IQCM: variants seen among roughly 807,000 people sequenced by gnomAD.
IQCM encodes IQ motif containing M, also known as IQ domain-containing protein M.
In IQCM, 45 loss-of-function variants were observed where a neutral mutation model predicts 57.6. The ratio of observed to expected loss-of-function variants is 0.78; its 90% CI spans 0.62 to 1.00. The LOEUF (loss-of-function observed/expected upper bound fraction) is 1.00, where lower values mean the gene tolerates loss of function less well. Among genes scored for constraint, IQCM ranks in the 50% least tolerant of loss-of-function variants. The pLI is 0.00. For synonymous variants in IQCM, 148 were observed against 158.9 expected, an observed-to-expected ratio of 0.93 and a Z score of 0.51; for missense variants, 468 against 511.6, an observed-to-expected ratio of 0.91 and a Z score of 0.82.
chr4:149,803,791 C>T (rs1773828414), intron 2 of IQCM, among the ~76,000 whole-genome samples: 1 of 151,898 alleles, frequency 6.6e-6, no homozygotes, highest in Non-Finnish European at 1.5e-5. Context: ...CTGGGTTTCC[C>T]TACAGACTAT....
intron 12 of IQCM, among the ~76,000 whole-genome samples, chr4:149,481,057 T>C (rs1340248982): frequency 6.6e-6 from 1 of 152,178 alleles, no homozygotes; most frequent in South Asian, 2.1e-4. Flanking sequence ...TATGTCTTCT[T>C]TGGAGAAATG....
chr4:149,388,658 T>C (rs1172967815), intron 13 of IQCM, among the ~76,000 whole-genome samples: 2 of 142,678 alleles, frequency 1.4e-5, no homozygotes, highest in Non-Finnish European at 3.0e-5. Flanking sequence ...ATAAAATATA[T>C]ATATATATAC....
At chr4:149,769,374 T>TC (rs1770352411) in intron 2 of IQCM, among the ~76,000 whole-genome samples, 1 of 151,900 alleles carries the variant, frequency 6.6e-6, no homozygotes, top group African/African-American at 2.4e-5. Context: ...ACCCTTTATA[T>TC]CCAAAATGAG....
intron 13 of IQCM, among the ~76,000 whole-genome samples, chr4:149,407,744 C>G (rs1294848327): frequency 1.3e-5 from 2 of 152,120 alleles, no homozygotes; most frequent in African/African-American, 4.8e-5. Context: ...GATGAACAGT[C>G]AGTTTGGAAC....
chr4:149,670,940 C>CTTTTTTTTTTT (rs57287015), intron 7 of IQCM, among the ~76,000 whole-genome samples: 2 of 143,374 alleles, frequency 1.4e-5, no homozygotes, highest in Non-Finnish European at 1.5e-5. Flanking sequence ...AAAATTCTCT[C>CTTTTTTTTTTT]TTTTTTTTTT....
intron 7 of IQCM, among the ~76,000 whole-genome samples, chr4:149,633,123 T>C (rs1359949372): frequency 4.0e-5 from 5 of 125,648 alleles, no homozygotes; most frequent in Non-Finnish European, 6.2e-5. Flanking sequence ...ATTGCGCCAC[T>C]GCAGTCCGCA....
intron 10 of IQCM, among the ~76,000 whole-genome samples, chr4:149,556,026 T>C (rs764916072): frequency 2.1e-4 from 32 of 152,220 alleles, no homozygotes; most frequent in Non-Finnish European, 4.1e-4. Context: ...CTCCCAGGCT[T>C]TCACATGGAA....
chr4:149,570,426 A>G (rs1197665924), intron 9 of IQCM, among the ~76,000 whole-genome samples: 1 of 152,068 alleles, frequency 6.6e-6, no homozygotes, highest in Non-Finnish European at 1.5e-5. Context: ...TATATTGGTT[A>G]GGGATTGCCA....
chr4:149,606,757 A>G (rs1252474821), intron 8 of IQCM, among the ~76,000 whole-genome samples: 2 of 152,176 alleles, frequency 1.3e-5, no homozygotes, highest in Non-Finnish European at 2.9e-5. Context: ...GAGCTGAAAA[A>G]TTCAATTGAC....
At chr4:149,775,420 A>G (rs953863934) in intron 2 of IQCM, among the ~76,000 whole-genome samples, 1 of 152,206 alleles carries the variant, frequency 6.6e-6, no homozygotes, top group African/African-American at 2.4e-5. Flanking sequence ...TCTCCTGATT[A>G]AGAGACAAAA....
chr4:149,785,457 TTAAA>T (rs1313807296), intron 2 of IQCM, among the ~76,000 whole-genome samples: 5 of 152,176 alleles, frequency 3.3e-5, no homozygotes, highest in African/African-American at 1.2e-4. Flanking sequence ...AATAATTTAT[TTAAA>T]TAACTATAGT....
intron 8 of IQCM, among the ~76,000 whole-genome samples, chr4:149,600,643 G>C (rs1237350858): frequency 6.6e-6 from 1 of 152,072 alleles, no homozygotes; most frequent in Non-Finnish European, 1.5e-5. Flanking sequence ...AAAGGCACTG[G>C]GGTCAAAGGC....
Position 149,536,680 on chromosome 4 carries a change from A to G in IQCM, c.1228+11775T>C, listed in dbSNP as rs1747327876. On this transcript the variant is annotated intron_variant, in intron 12 of 13. Coordinates refer to ENST00000636793, the MANE Select transcript of IQCM (RefSeq NM_001363507.2). Reference sequence around the variant, plus strand: ...TGAACCACATTACTTTTCACAGCACATATTAAGTGTTCAAAATATATTATA... The same window carrying G: ...TGAACCACATTACTTTTCACAGCACGTATTAAGTGTTCAAAATATATTATA... 3.3e-5 allele frequency among the ~76,000 whole-genome samples: 5 copies of G among 151,990 alleles called. No homozygotes were observed. The South Asian group carries it at 1.0e-3, about 32-fold the overall frequency.
intron 5 of IQCM, among the ~76,000 whole-genome samples, chr4:149,703,726 T>A (rs1226228110): frequency 6.6e-6 from 1 of 151,908 alleles, no homozygotes; most frequent in South Asian, 2.1e-4. Context: ...TTTAACAATA[T>A]GTAGAAAGCA....
At chr4:149,410,911 T>G (rs1351218131) in intron 13 of IQCM, among the ~76,000 whole-genome samples, 1 of 152,192 alleles carries the variant, frequency 6.6e-6, no homozygotes, top group Admixed American at 6.5e-5. Context: ...TTATATTGGA[T>G]ATGTATAATA....
chr4:149,543,888 G>C (rs1748117284), intron 12 of IQCM, among the ~76,000 whole-genome samples: 1 of 152,114 alleles, frequency 6.6e-6, no homozygotes, highest in African/African-American at 2.4e-5. Flanking sequence ...AAGTGATGTA[G>C]ATGCTTCTAC....
chr4:149,780,171 C>A (rs1348667467), intron 2 of IQCM: 5 of 152,070 alleles, frequency 3.3e-5, no homozygotes, highest in African/African-American at 1.2e-4. Flanking sequence ...ACAGTCCCTA[C>A]AAGTGAGGAG....
At chr4:149,403,524 C>A (rs975722532) in intron 13 of IQCM, among the ~76,000 whole-genome samples, 1 of 151,900 alleles carries the variant, frequency 6.6e-6, no homozygotes, top group African/African-American at 2.4e-5. Context: ...AACTGGCAGA[C>A]TAATTTTCAG....
intron 9 of IQCM, among the ~76,000 whole-genome samples, chr4:149,587,021 T>C (rs1343922107): frequency 6.6e-6 from 1 of 151,754 alleles, no homozygotes; most frequent in East Asian, 1.9e-4. Context: ...GAAGAGTTTG[T>C]ACACAGAATT....
Sources: allele counts gnomAD v4.1 joint callset (sites outside exome capture counted in the v4.1 genomes callset), GRCh38; gene constraint gnomAD v4.1.1; transcripts MANE v1.5; gene names NCBI Gene and HGNC (gene_info 2026-07-23, HGNC 2026-07-21).